Variants in CEP164 observed in about 807,000 individuals in gnomAD.
The protein encoded by CEP164 is centrosomal protein of 164 kDa.
A neutral mutation model predicts 182.7 loss-of-function variants in CEP164; 162 were observed. The observed-to-expected ratio is 0.89, with a 90% CI of 0.78 to 1.01. The LOEUF (loss-of-function observed/expected upper bound fraction) is 1.01. CEP164 is among the 50% of genes least tolerant of loss of function. CEP164 has a pLI of 0.00. For missense variants in CEP164, 1,735 were observed against 1,790.4 expected (o/e 0.97, Z 0.56); for synonymous variants, 661 against 690.0 (o/e 0.96, Z 0.66).
intron 12 of CEP164, among the ~76,000 whole-genome samples, 159 bp from the exon 13 acceptor site, chr11:117,381,542 C>T (rs2043314303): frequency 6.6e-6 from 1 of 152,172 alleles, no homozygotes; most frequent in African/African-American, 2.4e-5. Context: ...GTGTGGCTGC[C>T]TTGCCCTGCT....
chr11:117,338,216 G>T (rs1310009756), intron 2 of CEP164, among the ~76,000 whole-genome samples: 4 of 152,156 alleles, frequency 2.6e-5, no homozygotes, highest in Non-Finnish European at 5.9e-5. Flanking sequence ...GGTCTGTGCT[G>T]CTGGTTATTT....
At chr11:117,344,756 G>A (rs1429593546) in intron 4 of CEP164, among the ~76,000 whole-genome samples, 8 of 152,050 alleles carry the variant, frequency 5.3e-5, no homozygotes, top group South Asian at 4.1e-4. Flanking sequence ...GTGAAACCGC[G>A]TCTCTACTAA....
chr11:117,370,738 C>G (rs1262641501), intron 8 of CEP164, among the ~76,000 whole-genome samples: 1 of 152,014 alleles, frequency 6.6e-6, no homozygotes, highest in African/African-American at 2.4e-5. Context: ...TGGCAAAACC[C>G]CATCTCTACT....
intron 1 of CEP164, among the ~76,000 whole-genome samples, chr11:117,332,447 A>C (rs1466604600): frequency 1.3e-5 from 2 of 152,092 alleles, no homozygotes; most frequent in African/African-American, 4.8e-5. Context: ...GTGGTGGCAC[A>C]TACCTGTAAT....
chr11:117,329,513 T>G (rs1249404066), intron 1 of CEP164, among the ~76,000 whole-genome samples: 1 of 152,118 alleles, frequency 6.6e-6, no homozygotes, highest in Non-Finnish European at 1.5e-5. Flanking sequence ...CTACCGTTTA[T>G]TAGCTGTGAC....
At chr11:117,372,050 A>T (rs59914935) in intron 9 of CEP164, among the ~76,000 whole-genome samples, 56 of 151,706 alleles carry the variant, frequency 3.7e-4, no homozygotes, top group African/African-American at 1.3e-3. Flanking sequence ...CGTGTTGCCC[A>T]GGCTGGTCTC....
At position 117,413,036 on chromosome 11, in the gene CEP164, C is replaced by CCTGCCCTGATTCCACGG. The variant is rs1231642409; in HGVS notation, c.*874_*890dup. 6.6e-6 allele frequency: 1 copy of CCTGCCCTGATTCCACGG among 152,276 alleles called. No homozygotes were observed. The highest frequency in any genetic ancestry group is 2.4e-5 in the African/African-American group (1 of 41,448). The allele number at this position is 152,276 out of a possible 1,614,324, so 9.4% of individuals were successfully genotyped here. ...ATCTGTCTTTTCTACCTGTGCCACC[C>CCTGCCCTGATTCCACGG]CTGCCCTGATTCCACGGCTGCCTCA... On this transcript the variant is annotated 3_prime_UTR_variant, in exon 33 of 33. Transcript: ENST00000278935.
intron 11 of CEP164, 50 bp from the exon 12 acceptor site, chr11:117,380,564 C>T: frequency 6.7e-7 from 1 of 1,487,758 alleles, no homozygotes; most frequent in South Asian, 1.2e-5. Flanking sequence ...GATGGAGGGA[C>T]CCAAATGCAG....
chr11:117,356,087 C>G, intron 5 of CEP164: 1 of 1,079,618 alleles, frequency 9.3e-7, no homozygotes, highest in Non-Finnish European at 1.1e-6. Context: ...CCCTTGGAAC[C>G]TGCAGAGCTC....
intron 5 of CEP164, among the ~76,000 whole-genome samples, chr11:117,360,096 CCTT>C (rs1331753344): frequency 3.9e-5 from 6 of 152,134 alleles, no homozygotes; most frequent in Non-Finnish European, 8.8e-5. Flanking sequence ...GGGAGAGAGT[CCTT>C]CTTTTGTTGC....
intron 7 of CEP164, 139 bp from the exon 8 acceptor site, chr11:117,363,290 G>T (rs2135720124): frequency 1.6e-6 from 1 of 618,082 alleles, no homozygotes; most frequent in Non-Finnish European, 2.9e-6. Flanking sequence ...CTCAGTGGTG[G>T]TCCTGCTCTG....
chr11:117,412,041 C>T lies in CEP164; in HGVS notation c.4287-31C>T, dbSNP rs377318236. 7.3e-4 allele frequency: 1,176 copies of T among 1,612,270 alleles called. 6 individuals carry two copies. Among genetic ancestry groups the T allele is most frequent in the South Asian group, 7.2e-3 (652 of 90,830 alleles). On this transcript the variant is annotated intron_variant, in intron 32 of 32. Coordinates refer to ENST00000278935, the MANE Select transcript of CEP164 (RefSeq NM_014956.5). ...ATGGCCCCTGCCTGGCTATGCCCAG[C>T]GACTGCAGTTTTCCTTCACCTTGTG...
Position 117,362,271 on chromosome 11 carries a change from G to A in CEP164, c.553-133G>A, listed in dbSNP as rs1021545519. 32 of 994,002 alleles carry A rather than the reference G, an allele frequency of 3.2e-5. No homozygotes were observed. In the Admixed American group the frequency reaches 3.6e-4, roughly 11 times the overall value. 61.6% of individuals were successfully genotyped at this position (994,002 alleles called of 1,614,324 possible). On this transcript the variant is annotated intron_variant, in intron 6 of 32. Transcript: ENST00000278935. ...GGAGTCATTGATGTGAGCTGCAGTC[G>A]CCAGGTCAGCTTCATGGACATGGTG...
rs1182581404 is a variant in CEP164 at position 117,400,751 on chromosome 11, G to C, written c.3501+3438G>C. ...GTATTTTATTCTCTTTGTAGCAACT[G>C]TGAATGGGAGTTCACTCATGCTTTG... On this transcript the variant is annotated intron_variant, in intron 27 of 32. Coordinates refer to ENST00000278935, the MANE Select transcript of CEP164 (RefSeq NM_014956.5). Among the ~76,000 whole-genome samples, 3 of 152,194 alleles carry C rather than the reference G, an allele frequency of 2.0e-5. No homozygotes were observed. The East Asian group carries it at 5.8e-4, about 29-fold the overall frequency.
chr11:117,387,329 G>A lies in CEP164; in HGVS notation c.1851G>A (p.Lys617=), dbSNP rs748365921. The change falls in exon 15 of 33, where the codon AAG becomes AAA. Residue 617 remains lysine, a synonymous_variant. Transcript: ENST00000278935. Reference sequence around the variant, plus strand: ...ACCTGCTGGAATCCAAGCAAGAGAAGATGCAGCAACTGCGGGAGAAGCTGT... The same window carrying A: ...ACCTGCTGGAATCCAAGCAAGAGAAAATGCAGCAACTGCGGGAGAAGCTGT... ...QRHLLESKQE[K]MQQLREKLCQ... 1 of 1,614,098 alleles carries A rather than the reference G, an allele frequency of 6.2e-7. No homozygotes were observed. Among genetic ancestry groups the A allele is most frequent in the East Asian group, 2.2e-5 (1 of 44,894 alleles).
At chr11:117,396,991 G>T in intron 26 of CEP164, 100 bp from the exon 27 acceptor site, 1 of 1,068,310 alleles carries the variant, frequency 9.4e-7, no homozygotes, top group Non-Finnish European at 1.3e-6. Flanking sequence ...AGCAGCTCTG[G>T]TCTGTGCTCA....
At chr11:117,363,527 A>T in intron 8 of CEP164, 21 bp downstream of exon 8, 1 of 1,561,318 alleles carries the variant, frequency 6.4e-7, no homozygotes, top group Non-Finnish European at 8.8e-7. Flanking sequence ...TAATCCCTAC[A>T]GGCACATGTG....
At chr11:117,376,341 T>C (rs1435917300) in intron 11 of CEP164, among the ~76,000 whole-genome samples, 1 of 152,204 alleles carries the variant, frequency 6.6e-6, no homozygotes, top group East Asian at 1.9e-4. Flanking sequence ...TGTTTGATGG[T>C]TGTTTGTCTG....
chr11:117,403,897 A>G (rs1201049938), intron 27 of CEP164, among the ~76,000 whole-genome samples: 1 of 151,068 alleles, frequency 6.6e-6, no homozygotes, highest in Non-Finnish European at 1.5e-5. Context: ...GCTTTATTTC[A>G]TTGTTAATCT....
Sources: gnomAD v4.1 joint callset for allele counts (sites outside exome capture counted in the v4.1 genomes callset) on GRCh38, gnomAD v4.1.1 for gene constraint, MANE v1.5 for transcripts, NCBI Gene and HGNC (gene_info 2026-07-23, HGNC 2026-07-21) for gene names.